CFAP107: variants seen among roughly 807,000 people sequenced by gnomAD.
CFAP107 encodes cilia- and flagella-associated protein 107.
At chr1:12,752,626 A>G in the CFAP107 span, among the ~76,000 whole-genome samples, 3 of 151,168 alleles carry the variant, frequency 2.0e-5, no homozygotes, top group East Asian at 5.8e-4. Flanking sequence ...GAAGGAAAAA[A>G]AGACATGATC....
the CFAP107 span, among the ~76,000 whole-genome samples, chr1:12,757,629 G>C: frequency 6.6e-6 from 1 of 152,040 alleles, no homozygotes; most frequent in African/African-American, 2.4e-5. Flanking sequence ...CAAGTAATCT[G>C]CCCACCTTGG....
At chr1:12,746,224 A>G in the CFAP107 span, 2 of 443,140 alleles carry the variant, frequency 4.5e-6, no homozygotes, top group East Asian at 8.5e-5. Context: ...AATCCAAGAT[A>G]GATCAACTCT....
chr1:12,759,278 C>G, the CFAP107 span: 2 of 1,607,212 alleles, frequency 1.2e-6, no homozygotes, highest in South Asian at 2.2e-5. Flanking sequence ...TCGCTCCTAT[C>G]AGTAACGAGC....
At chr1:12,751,345 G>A in the CFAP107 span, among the ~76,000 whole-genome samples, 1 of 152,170 alleles carries the variant, frequency 6.6e-6, no homozygotes, top group Non-Finnish European at 1.5e-5. Flanking sequence ...ACCGAGTTGG[G>A]ACCGGGCGCG....
At chr1:12,751,347 C>A in the CFAP107 span, among the ~76,000 whole-genome samples, 1 of 152,116 alleles carries the variant, frequency 6.6e-6, no homozygotes, top group Non-Finnish European at 1.5e-5. Flanking sequence ...CGAGTTGGGA[C>A]CGGGCGCGGT....
chr1:12,759,201 C>T, the CFAP107 span: 8 of 1,283,806 alleles, frequency 6.2e-6, no homozygotes, highest in Non-Finnish European at 6.6e-6. Flanking sequence ...GATGCCCGCT[C>T]TCTCCATCAG....
the CFAP107 span, among the ~76,000 whole-genome samples, chr1:12,757,670 G>A: frequency 6.6e-6 from 1 of 152,108 alleles, no homozygotes; most frequent in East Asian, 1.9e-4. Flanking sequence ...ACAGGCGTGA[G>A]CCACGGCACC....
the CFAP107 span, among the ~76,000 whole-genome samples, chr1:12,751,754 A>G: frequency 6.6e-6 from 1 of 152,252 alleles, no homozygotes; most frequent in Non-Finnish European, 1.5e-5. Flanking sequence ...CTAAAATTAG[A>G]AATGAAAGTG....
the CFAP107 span, chr1:12,763,005 A>G: frequency 1.3e-5 from 2 of 152,180 alleles, no homozygotes; most frequent in Admixed American, 6.5e-5. Context: ...TGTCTAGCAC[A>G]GTGAAACACT....
At chr1:12,762,340 G>A in the CFAP107 span, 1 of 145,940 alleles carries the variant, frequency 6.9e-6, no homozygotes, top group African/African-American at 2.8e-5. Context: ...TGAATGACAG[G>A]AGGAGGAGCC....
the CFAP107 span, among the ~76,000 whole-genome samples, chr1:12,756,595 T>C: frequency 6.6e-6 from 1 of 152,134 alleles, no homozygotes; most frequent in South Asian, 2.1e-4. Context: ...TCCCTTGAGT[T>C]GTTTCTTTTG....
the CFAP107 span, chr1:12,760,979 T>C: frequency 3.8e-6 from 6 of 1,582,768 alleles, no homozygotes; most frequent in Admixed American, 3.5e-5. Flanking sequence ...GCAGCTCAGA[T>C]AGAATCAGCT....
the CFAP107 span, chr1:12,753,892 T>G: frequency 1.3e-5 from 2 of 152,002 alleles, no homozygotes; most frequent in Non-Finnish European, 2.9e-5. Context: ...CAGCAAGAAC[T>G]TATCTCTCTC....
At chr1:12,761,102 A>T in the CFAP107 span, 11 of 699,288 alleles carry the variant, frequency 1.6e-5, no homozygotes, top group Middle Eastern at 4.0e-4. Flanking sequence ...ATTTGGCGGT[A>T]CCTGTCCCCC....
At chr1:12,755,607 C>T in the CFAP107 span, 1 of 822,930 alleles carries the variant, frequency 1.2e-6, no homozygotes, top group East Asian at 2.5e-5. Context: ...CTTTTCCCTA[C>T]CCATCTTCTG....
chr1:12,760,915 C>T, the CFAP107 span: 2 of 1,613,790 alleles, frequency 1.2e-6, no homozygotes, highest in African/African-American at 1.3e-5. Context: ...CGGTCCCGGT[C>T]CCTCCCCATC....
chr1:12,759,546 G>A, the CFAP107 span: 123 of 1,589,932 alleles, frequency 7.7e-5, no homozygotes, highest in East Asian at 1.0e-3. Flanking sequence ...ACAGACCAAC[G>A]GAGCTGTACC....
the CFAP107 span, among the ~76,000 whole-genome samples, chr1:12,757,470 C>A: frequency 6.6e-6 from 1 of 151,658 alleles, no homozygotes; most frequent in East Asian, 1.9e-4. Context: ...AAACCTCAGC[C>A]TCCTGGGTTG....
chr1:12,756,847 T>G, the CFAP107 span, among the ~76,000 whole-genome samples: 1 of 152,238 alleles, frequency 6.6e-6, no homozygotes, highest in African/African-American at 2.4e-5. Context: ...AGCAAGTTGC[T>G]GCTCTGCAAA....
Sources: allele counts gnomAD v4.1 joint callset (sites outside exome capture counted in the v4.1 genomes callset), GRCh38; gene constraint gnomAD v4.1.1; transcripts MANE v1.5; gene names NCBI Gene and HGNC (gene_info 2026-07-23, HGNC 2026-07-21).